The following MYOCOS variants were observed in gnomAD, a reference collection of about 807,000 sequenced individuals.
MYOCOS encodes the protein myocilin opposite strand.
At chr1:171,624,308 G>A (rs1016695101) in intron 2 of MYOCOS, among the ~76,000 whole-genome samples, 4 of 152,028 alleles carry the variant, frequency 2.6e-5, no homozygotes, top group Admixed American at 2.0e-4. Context: ...TGTCACCTGG[G>A]CTGGAGTTCA....
At chr1:171,613,988 C>A (rs1250139714) in intron 1 of MYOCOS, among the ~76,000 whole-genome samples, 1 of 152,188 alleles carries the variant, frequency 6.6e-6, no homozygotes, top group Non-Finnish European at 1.5e-5. Flanking sequence ...TCATCAATAG[C>A]ACCCAGGAAG....
intron 1 of MYOCOS, among the ~76,000 whole-genome samples, chr1:171,604,656 T>C (rs1365184704): frequency 6.6e-6 from 1 of 152,206 alleles, no homozygotes; most frequent in East Asian, 1.9e-4. Flanking sequence ...TTGACGCCTG[T>C]GCCACTATTA....
upstream of MYOCOS, among the ~76,000 whole-genome samples, chr1:171,620,886 C>T (rs1652553217): frequency 6.6e-6 from 1 of 151,166 alleles, no homozygotes; most frequent in Admixed American, 6.6e-5. Context: ...TCTCCTGCCT[C>T]AGCCTCCCGA....
chr1:171,626,358 A>T, intron 2 of MYOCOS, 96 bp from the exon 3 acceptor site: 1 of 393,982 alleles, frequency 2.5e-6, no homozygotes, highest in Non-Finnish European at 4.5e-6. Context: ...CTGGGATTAC[A>T]GGCATGAACC....
At chr1:171,618,915 G>C (rs192025895), upstream of MYOCOS, among the ~76,000 whole-genome samples, 95 of 152,074 alleles carry the variant, frequency 6.2e-4, no homozygotes, top group African/African-American at 2.3e-3. Flanking sequence ...CCCCTTTTTT[G>C]ACATGAGTAT....
chr1:171,622,636 A>G (rs1032213713), intron 1 of MYOCOS, among the ~76,000 whole-genome samples: 1 of 152,206 alleles, frequency 6.6e-6, no homozygotes, highest in Non-Finnish European at 1.5e-5. Flanking sequence ...CTTTCCAGCC[A>G]AAAGATCAAG....
At chr1:171,617,955 A>G (rs574855265), upstream of MYOCOS, among the ~76,000 whole-genome samples, 2 of 152,338 alleles carry the variant, frequency 1.3e-5, no homozygotes, top group South Asian at 4.1e-4. Flanking sequence ...GAACACGGGC[A>G]CAAAGGCTGG....
chr1:171,607,683 C>G (rs1245343349), intron 1 of MYOCOS, among the ~76,000 whole-genome samples: 1 of 152,238 alleles, frequency 6.6e-6, no homozygotes, highest in African/African-American at 2.4e-5. Flanking sequence ...ACCTGTAGGT[C>G]TCTGGTAGTT....
chr1:171,616,131 C>T (rs759269798), intron 2 of MYOCOS, among the ~76,000 whole-genome samples: 2 of 152,110 alleles, frequency 1.3e-5, no homozygotes, highest in Admixed American at 6.5e-5. Flanking sequence ...GCAGGAGAAT[C>T]GCTTGAACCC....
At chr1:171,618,287 G>C (rs1652486331), upstream of MYOCOS, among the ~76,000 whole-genome samples, 1 of 152,210 alleles carries the variant, frequency 6.6e-6, no homozygotes, top group South Asian at 2.1e-4. Context: ...TAGTACACTT[G>C]ATGGACTCAT....
upstream of MYOCOS, among the ~76,000 whole-genome samples, chr1:171,621,019 C>A (rs1244054541): frequency 2.6e-5 from 4 of 152,032 alleles, no homozygotes; most frequent in African/African-American, 9.7e-5. Flanking sequence ...CTGCCCGCCT[C>A]GGCCTCCCAA....
chr1:171,617,872 G>C (rs1186014074), upstream of MYOCOS, among the ~76,000 whole-genome samples: 1 of 152,202 alleles, frequency 6.6e-6, no homozygotes, highest in Non-Finnish European at 1.5e-5. Context: ...ATGGAATCTA[G>C]TGCTGGAGTG....
At chr1:171,618,045 A>T (rs986346616), upstream of MYOCOS, among the ~76,000 whole-genome samples, 1 of 152,182 alleles carries the variant, frequency 6.6e-6, no homozygotes, top group Non-Finnish European at 1.5e-5. Context: ...AATTGGGAAG[A>T]TGTGTTGGAG....
At chr1:171,620,339 T>C (rs1046577851), upstream of MYOCOS, among the ~76,000 whole-genome samples, 1 of 152,048 alleles carries the variant, frequency 6.6e-6, no homozygotes, top group Non-Finnish European at 1.5e-5. Flanking sequence ...GGCATAATAT[T>C]ATGAGACAAG....
In MYOCOS at chr1:171,626,693, A is replaced by G; in HGVS notation, c.*92A>G. 1 of 397,930 alleles carries G rather than the reference A, an allele frequency of 2.5e-6. No individual in the cohort carries two copies. Among genetic ancestry groups the G allele is most frequent in the Non-Finnish European group, 4.4e-6 (1 of 225,848 alleles). The allele number at this position is 397,930 out of a possible 1,614,324, so 24.6% of individuals were successfully genotyped here. A position where few individuals can be genotyped will look rare whatever the true frequency, so the allele number is the denominator to read the frequency against. On this transcript the variant is annotated 3_prime_UTR_variant, in exon 3 of 3. Coordinates refer to ENST00000637642, the MANE Select transcript of MYOCOS (RefSeq NM_001391940.1). ...TGAGGTTTGTCTTAGAAGACTCTTGAAGATCTTTGTTCTTTCCTATTTTTC... is the reference window on the plus strand; with the variant it reads ...TGAGGTTTGTCTTAGAAGACTCTTGGAGATCTTTGTTCTTTCCTATTTTTC...
intron 1 of MYOCOS, among the ~76,000 whole-genome samples, chr1:171,609,830 T>C (rs1238173703): frequency 6.6e-6 from 1 of 152,202 alleles, no homozygotes; most frequent in Non-Finnish European, 1.5e-5. Context: ...ACAGTTCCTA[T>C]GGGTCAGGAA....
At chr1:171,615,398 T>C (rs188355309) in intron 2 of MYOCOS, among the ~76,000 whole-genome samples, 10 of 152,272 alleles carry the variant, frequency 6.6e-5, no homozygotes, top group South Asian at 4.1e-4. Context: ...AAGACAAAGA[T>C]GACTTCTAGA....
At chr1:171,613,367 A>C (rs892937881) in intron 1 of MYOCOS, among the ~76,000 whole-genome samples, 1 of 152,188 alleles carries the variant, frequency 6.6e-6, no homozygotes, top group South Asian at 2.1e-4. Context: ...CTTCAAGCCA[A>C]GTTGAGTTCT....
At chr1:171,619,431 A>G (rs1195666029), upstream of MYOCOS, among the ~76,000 whole-genome samples, 2 of 152,204 alleles carry the variant, frequency 1.3e-5, no homozygotes, top group African/African-American at 2.4e-5. Flanking sequence ...TACTGTTGTC[A>G]ATCACTTTCG....
Sources: allele counts gnomAD v4.1 joint callset (sites outside exome capture counted in the v4.1 genomes callset), GRCh38; gene constraint gnomAD v4.1.1; transcripts MANE v1.5; gene names NCBI Gene and HGNC (gene_info 2026-07-23, HGNC 2026-07-21).